Variants in PLIN3 observed in about 807,000 individuals in gnomAD.
PLIN3 encodes perilipin-3.
PLIN3 carries 30 observed loss-of-function variants against 35.9 expected under a neutral mutation model. That is an observed-to-expected ratio of 0.84 (90% confidence interval 0.62 to 1.13). PLIN3 has a LOEUF of 1.13. PLIN3 is among the 50% of genes most tolerant of loss of function. The probability of loss-of-function intolerance (pLI) is 0.00; values close to 1 mark genes in which losing one functional copy is unlikely to be tolerated. For synonymous variants in PLIN3, 261 were observed against 262.5 expected, an observed-to-expected ratio of 0.99 and a Z score of 0.06; for missense variants, 603 against 596.9, an observed-to-expected ratio of 1.01 and a Z score of -0.11.
intron 7 of PLIN3, among the ~76,000 whole-genome samples, chr19:4,843,878 A>G (rs962272063): frequency 1.3e-5 from 2 of 152,172 alleles, no homozygotes; most frequent in Non-Finnish European, 2.9e-5. Flanking sequence ...TATATAATCC[A>G]CACACCCTAA....
At chr19:4,861,228 C>T (rs139087834) in intron 2 of PLIN3, 101 bp downstream of exon 2, 12,667 of 967,606 alleles carry the variant, frequency 0.013, 139 homozygotes, top group South Asian at 0.03. Flanking sequence ...CGTGAGCTGC[C>T]GGCAGATCCC....
intron 4 of PLIN3, among the ~76,000 whole-genome samples, chr19:4,854,485 C>T (rs1280591097): frequency 6.6e-6 from 1 of 152,014 alleles, no homozygotes; most frequent in Non-Finnish European, 1.5e-5. Flanking sequence ...CTCACCGCAA[C>T]CTCCACCTCC....
At chr19:4,840,001 T>C (rs1323188854) in intron 7 of PLIN3, among the ~76,000 whole-genome samples, 2 of 119,206 alleles carry the variant, frequency 1.7e-5, no homozygotes, top group African/African-American at 3.3e-5. Context: ...AGAGTCTTGC[T>C]CTGTTGCCCA....
chr19:4,867,309 G>C (rs558915607), intron 1 of PLIN3, among the ~76,000 whole-genome samples: 96 of 152,344 alleles, frequency 6.3e-4, no homozygotes, highest in Non-Finnish European at 1.2e-3. Flanking sequence ...GAGAAAACCT[G>C]GTGGGCGGGG....
At chr19:4,864,451 GTTTGTT>G (rs1253184910) in intron 1 of PLIN3, among the ~76,000 whole-genome samples, 1 of 127,940 alleles carries the variant, frequency 7.8e-6, no homozygotes, top group African/African-American at 2.7e-5. Flanking sequence ...CTCAGCCGTG[GTTTGTT>G]TTTTTTTTTG....
intron 6 of PLIN3, among the ~76,000 whole-genome samples, chr19:4,845,447 CAA>C (rs991205636): frequency 2.6e-5 from 4 of 151,068 alleles, no homozygotes; most frequent in African/African-American, 9.7e-5. Context: ...AAACAAAAAA[CAA>C]AAAAAAGTGC....
chr19:4,853,470 C>T (rs1599167814), intron 4 of PLIN3, among the ~76,000 whole-genome samples: 1 of 151,828 alleles, frequency 6.6e-6, no homozygotes, highest in East Asian at 2.0e-4. Flanking sequence ...GGATTACAAG[C>T]ACATGCCACC....
At chr19:4,847,602 G>T in intron 6 of PLIN3, 89 bp downstream of exon 6, 2 of 1,089,570 alleles carry the variant, frequency 1.8e-6, no homozygotes, top group Non-Finnish European at 2.7e-6. Context: ...GCCTGCAGAG[G>T]GGTGAGCAAT....
chr19:4,840,053 C>T (rs567480287), intron 7 of PLIN3, among the ~76,000 whole-genome samples: 42 of 150,172 alleles, frequency 2.8e-4, no homozygotes, highest in African/African-American at 8.6e-4. Context: ...CTGCAACCTC[C>T]GCCTCCCAGG....
At chr19:4,839,624 G>T in intron 7 of PLIN3, 88 bp from the exon 8 acceptor site, 3 of 1,032,950 alleles carry the variant, frequency 2.9e-6, no homozygotes, top group East Asian at 2.7e-5. Context: ...GGGAAGAGGG[G>T]TTCTACCACT....
chr19:4,864,130 TGTGTGTGTGTGTGTGTG>T (rs2030767988), intron 1 of PLIN3, among the ~76,000 whole-genome samples: 1 of 144,134 alleles, frequency 6.9e-6, no homozygotes, highest in African/African-American at 2.5e-5. Flanking sequence ...TGTGTGTGTG[TGTGTGTGTGTGTGTGTG>T]TGTGGTTTTG....
intron 2 of PLIN3, among the ~76,000 whole-genome samples, 168 bp from the exon 3 acceptor site, chr19:4,860,192 G>A (rs934838412): frequency 2.0e-5 from 3 of 152,098 alleles, no homozygotes; most frequent in Non-Finnish European, 2.9e-5. Context: ...TTGGGGTTTC[G>A]CCACGTGCTT....
chr19:4,855,895 A>G (rs1406826993), intron 4 of PLIN3, among the ~76,000 whole-genome samples: 3 of 149,698 alleles, frequency 2.0e-5, no homozygotes, highest in Non-Finnish European at 4.4e-5. Flanking sequence ...ACTGCACTCT[A>G]GCTTGGGCTA....
In PLIN3 at chr19:4,839,531, G is replaced by A. The variant is rs752125041; in HGVS notation, c.966C>T (p.Val322=). 36 of 1,520,344 alleles carry A rather than the reference G, an allele frequency of 2.4e-5. No homozygotes were observed. Among genetic ancestry groups the A allele is most frequent in the Non-Finnish European group, 2.8e-5 (32 of 1,131,082 alleles). 94.2% of individuals were successfully genotyped at this position (1,520,344 alleles called of 1,614,324 possible). A position where few individuals can be genotyped will look rare whatever the true frequency, so the allele number is the denominator to read the frequency against. ...PEKEPPKPEQ[V]ESRALTMFRD... is the part of the protein sequence containing the mutation. ...GGAACATGGTGAGCGCCCGGGACTC[G>A]ACCTGCTGAGAAGGGAGATGGGGAC... Residue 322 remains valine (V), a synonymous_variant, in exon 8 of 8, where the codon GTC becomes GTT. Coordinates refer to ENST00000221957, the MANE Select transcript of PLIN3 (RefSeq NM_005817.5).
chr19:4,844,434 C>A (rs1156670369), intron 7 of PLIN3, among the ~76,000 whole-genome samples: 1 of 152,074 alleles, frequency 6.6e-6, no homozygotes. Context: ...CCATTGTACT[C>A]CAGCCTGGGT....
At chr19:4,860,406 T>C (rs1380720267) in intron 2 of PLIN3, among the ~76,000 whole-genome samples, 1 of 151,884 alleles carries the variant, frequency 6.6e-6, no homozygotes, top group Non-Finnish European at 1.5e-5. Context: ...GGTTTCACCA[T>C]GTTGGCCAGG....
rs1487403063 is a variant in PLIN3 at position 4,844,670 on chromosome 19, C to T, written c.958G>A (p.Glu320Lys). The T allele has an allele frequency of 1.2e-6, 2 of 1,608,416 alleles. No individual in the cohort carries two copies. The highest frequency in any genetic ancestry group is 3.4e-5 in the Admixed American group (2 of 59,024). Residue 320 changes from glutamate to lysine, a missense_variant and splice_region_variant, in exon 7 of 8, where the codon GAG (glutamate) becomes AAG (lysine). Transcript: ENST00000221957. ...QGPEKEPPKP[E>K]QVESRALTMF... ...CCCCCCAGTCCCCTCATGGGTACCT[C>T]TGGCTTGGGCGGCTCCTTCTCGGGG...
intron 4 of PLIN3, among the ~76,000 whole-genome samples, chr19:4,857,796 T>C (rs1201440941): frequency 6.6e-6 from 1 of 150,870 alleles, no homozygotes; most frequent in East Asian, 2.0e-4. Flanking sequence ...ACCAACATGG[T>C]AAAACCCCAT....
chr19:4,847,772 A>G lies in PLIN3; in HGVS notation c.753T>C (p.Tyr251=), dbSNP rs2030153477. The change falls in exon 6 of 8, where the codon TAT becomes TAC. Residue 251 remains tyrosine (Y), a synonymous_variant. Coordinates refer to ENST00000221957, the MANE Select transcript of PLIN3 (RefSeq NM_005817.5). ...CTCGAAGCTTGCCCAGCGAGTGCTC[A>G]TAGGCGTGCTGCCGCAGCCTCTCCG... is the stretch of plus-strand genomic sequence containing the variant. ...SLSERLRQHA[Y]EHSLGKLRAT... 6.2e-7 allele frequency: 1 copy of G among 1,613,360 alleles called. No homozygotes were observed. The highest frequency in any genetic ancestry group is 8.5e-7 in the Non-Finnish European group (1 of 1,179,852).
Sources: gnomAD v4.1 joint callset for allele counts (sites outside exome capture counted in the v4.1 genomes callset) on GRCh38, gnomAD v4.1.1 for gene constraint, MANE v1.5 for transcripts, NCBI Gene and HGNC (gene_info 2026-07-23, HGNC 2026-07-21) for gene names.